The following MAML3 variants were observed in gnomAD, a reference collection of about 807,000 sequenced individuals.
MAML3 encodes mastermind-like protein 3.
A neutral mutation model predicts 101.9 loss-of-function variants in MAML3; 27 were observed. The ratio of observed to expected loss-of-function variants is 0.27; its 90% confidence interval spans 0.20 to 0.37. The LOEUF (loss-of-function observed/expected upper bound fraction) is 0.37, where lower values mean the gene tolerates loss of function less well. Ranked by LOEUF, MAML3 falls within the 10% of genes least tolerant of loss-of-function variation. The pLI is 1.00. For missense variants in MAML3, 1,316 were observed against 1,444.9 expected (o/e 0.91, Z 1.45); for synonymous variants, 501 against 555.9 (o/e 0.90, Z 1.39).
At chr4:139,862,163 C>G (rs1222569115) in intron 2 of MAML3, among the ~76,000 whole-genome samples, 2 of 152,098 alleles carry the variant, frequency 1.3e-5, no homozygotes, top group Non-Finnish European at 2.9e-5. Flanking sequence ...GAGCTGAGAT[C>G]GTGCCATTGC....
intron 1 of MAML3, among the ~76,000 whole-genome samples, chr4:139,982,943 C>T (rs938602469): frequency 3.3e-5 from 5 of 152,324 alleles, no homozygotes; most frequent in South Asian, 2.1e-4. Context: ...TGCTTAAATA[C>T]GACTGCTTTT....
chr4:139,795,414 G>A (rs1730496000), intron 2 of MAML3, among the ~76,000 whole-genome samples: 1 of 152,130 alleles, frequency 6.6e-6, no homozygotes, highest in Non-Finnish European at 1.5e-5. Context: ...TACACGAAAC[G>A]TTTCTGAATG....
chr4:139,972,190 G>A (rs1734244770), intron 1 of MAML3, among the ~76,000 whole-genome samples: 1 of 152,022 alleles, frequency 6.6e-6, no homozygotes, highest in African/African-American at 2.4e-5. Context: ...GTATCCATTA[G>A]CTATTTTTCC....
intron 1 of MAML3, among the ~76,000 whole-genome samples, chr4:139,990,932 C>T (rs1429237964): frequency 1.3e-5 from 2 of 152,210 alleles, no homozygotes; most frequent in Middle Eastern, 3.2e-3. Flanking sequence ...ACATTCCATG[C>T]TCATGGGTAG....
At position 139,890,858 on chromosome 4, in the gene MAML3, C is replaced by G. The variant is rs376616820; in HGVS notation, c.578G>C (p.Arg193Pro). 6 of 1,613,776 alleles carry G rather than the reference C, an allele frequency of 3.7e-6. No individual in the cohort carries two copies. Among genetic ancestry groups the G allele is most frequent in the Non-Finnish European group, 4.2e-6 (5 of 1,179,852 alleles). Reference sequence around the variant, plus strand: ...TTCCATCCCCGCAGAAATGTCCTTTCGAATTCGTTTGCTAGTCGGAGAAAA... The same window carrying G: ...TTCCATCCCCGCAGAAATGTCCTTTGGAATTCGTTTGCTAGTCGGAGAAAA... ...GNFSPTSKRI[R>P]KDISAGMEAI... The change falls in exon 2 of 5, where the codon CGA becomes CCA. Residue 193 changes from arginine (R) to proline (P), a missense_variant. Arg to Pro is a moderately radical substitution (Grantham distance 103, BLOSUM62 -2). Transcript: ENST00000509479. This position sits in a 1 kb window ranked among gnomAD's most constrained non-coding sequence, Gnocchi z 4.1.
chr4:139,940,531 G>T (rs766794670), intron 1 of MAML3, among the ~76,000 whole-genome samples: 4 of 152,206 alleles, frequency 2.6e-5, no homozygotes, highest in Non-Finnish European at 5.9e-5. Flanking sequence ...AAGTCAGCTG[G>T]CACAGAGAAG....
At chr4:140,011,408 A>G (rs1346701522) in intron 1 of MAML3, among the ~76,000 whole-genome samples, 4 of 133,554 alleles carry the variant, frequency 3.0e-5, no homozygotes, top group Non-Finnish European at 6.3e-5. Context: ...GCAGTGGCGC[A>G]ATCTCGGCTC....
chr4:140,030,997 G>A (rs1199902288), intron 1 of MAML3, among the ~76,000 whole-genome samples: 2 of 152,144 alleles, frequency 1.3e-5, no homozygotes, highest in South Asian at 2.1e-4. Context: ...GATAGGCAGC[G>A]ACAGCAGAGA....
At chr4:139,999,952 A>G (rs1331281827) in intron 1 of MAML3, among the ~76,000 whole-genome samples, 2 of 152,200 alleles carry the variant, frequency 1.3e-5, no homozygotes, top group Non-Finnish European at 2.9e-5. Flanking sequence ...TATTTCTATG[A>G]TATTTCTGCC....
intron 2 of MAML3, among the ~76,000 whole-genome samples, chr4:139,780,936 C>A (rs1018188980): frequency 1.3e-5 from 2 of 152,000 alleles, no homozygotes; most frequent in African/African-American, 4.8e-5. Context: ...ACAAGTGTTG[C>A]ATAGTTCTGA....
At position 140,006,585 on chromosome 4, in the gene MAML3, C is replaced by CAAAAA. The variant is rs34273207; in HGVS notation, c.469-115623_469-115619dup. Reference sequence around the variant, plus strand: ...TGGGTGACAGAGCGAAACTCTGTCTCAAAAAAAAAAAAAAAAAAGTGAAAA... The same window carrying CAAAAA: ...TGGGTGACAGAGCGAAACTCTGTCTCAAAAAAAAAAAAAAAAAAAAAAAGTGAAAA... On this transcript the variant is annotated intron_variant, in intron 1 of 4. Transcript: ENST00000509479. Among the ~76,000 whole-genome samples, 494 of 93,062 alleles carry CAAAAA rather than the reference C, an allele frequency of 5.3e-3. 17 individuals are homozygous for CAAAAA. Among genetic ancestry groups the CAAAAA allele is most frequent in the South Asian group, 0.011 (29 of 2,584 alleles). The allele number at this position is 93,062 out of a possible 152,430, so 61.1% of individuals were successfully genotyped here.
At chr4:139,900,890 C>T (rs1417159333) in intron 1 of MAML3, among the ~76,000 whole-genome samples, 4 of 152,184 alleles carry the variant, frequency 2.6e-5, no homozygotes, top group African/African-American at 7.2e-5. Flanking sequence ...TATCTTACCT[C>T]GATTAACCCT....
chr4:140,007,444 G>T (rs2110853692), intron 1 of MAML3, among the ~76,000 whole-genome samples: 1 of 152,274 alleles, frequency 6.6e-6, no homozygotes, highest in South Asian at 2.1e-4. Context: ...AATAATAAGG[G>T]AATGGAAGAT....
chr4:140,091,544 AAAAC>A (rs1450648391), intron 1 of MAML3, among the ~76,000 whole-genome samples: 1,885 of 107,382 alleles, frequency 0.018, 93 homozygotes, highest in African/African-American at 0.055. Flanking sequence ...AAACAAAAAC[AAAAC>A]AAAAAAAAAA....
At chr4:140,117,927 G>A (rs1020515553) in intron 1 of MAML3, among the ~76,000 whole-genome samples, 2 of 151,874 alleles carry the variant, frequency 1.3e-5, no homozygotes, top group Admixed American at 1.3e-4. Context: ...GGTAATTTGT[G>A]TTACACATTT....
At chr4:139,931,064 G>A (rs1043909480) in intron 1 of MAML3, among the ~76,000 whole-genome samples, 15 of 151,698 alleles carry the variant, frequency 9.9e-5, no homozygotes, top group African/African-American at 1.4e-4. Flanking sequence ...GTTATGGCTC[G>A]TGTCCCAAGT....
chr4:140,064,489 T>C (rs1180944001), intron 1 of MAML3, among the ~76,000 whole-genome samples: 1 of 152,226 alleles, frequency 6.6e-6, no homozygotes, highest in Non-Finnish European at 1.5e-5. Context: ...AATGTTTCTG[T>C]TGTTTACATA....
chr4:140,128,628 G>T (rs1309498526), intron 1 of MAML3, among the ~76,000 whole-genome samples: 1 of 152,136 alleles, frequency 6.6e-6, no homozygotes, highest in African/African-American at 2.4e-5. Context: ...ACCCACACAG[G>T]CTATCCCCAC....
At chr4:139,949,828 T>C (rs1046215658) in intron 1 of MAML3, among the ~76,000 whole-genome samples, 1 of 152,194 alleles carries the variant, frequency 6.6e-6, no homozygotes, top group African/African-American at 2.4e-5. Context: ...TAGATGTTGC[T>C]AGGAAGGCTA....
Sources: allele counts gnomAD v4.1 joint callset (sites outside exome capture counted in the v4.1 genomes callset), GRCh38; gene constraint gnomAD v4.1.1; non-coding constraint Gnocchi (gnomAD v3.1); transcripts MANE v1.5; gene names NCBI Gene and HGNC (gene_info 2026-07-23, HGNC 2026-07-21).